Variants in SLC22A9 observed in about 807,000 individuals in gnomAD.
The protein encoded by SLC22A9 is organic anion transporter 7.
Under a neutral mutation model 50.1 loss-of-function variants are expected in SLC22A9, and 64 were observed. The ratio of observed to expected loss-of-function variants is 1.28; its 90% CI spans 1.04 to 1.57. The LOEUF (loss-of-function observed/expected upper bound fraction) is 1.57. Ranked by LOEUF, SLC22A9 falls within the 40% of genes most tolerant of loss-of-function variation. SLC22A9 has a pLI of 0.00. For missense variants in SLC22A9, 757 were observed against 676.1 expected (o/e 1.12, Z -1.33); for synonymous variants, 261 against 242.5 (o/e 1.08, Z -0.71).
At position 63,406,515 on chromosome 11, in the gene SLC22A9, C is replaced by A. The variant is rs2015040090; in HGVS notation, c.1092C>A (p.Ala364=). 4 of 1,613,528 alleles carry A rather than the reference C, an allele frequency of 2.5e-6. No homozygotes were observed. The highest frequency in any genetic ancestry group is 3.4e-6 in the Non-Finnish European group (4 of 1,179,650). Residue 364 remains alanine, a synonymous_variant, in exon 7 of 10, where the codon GCC becomes GCA. Coordinates refer to ENST00000279178, the MANE Select transcript of SLC22A9 (RefSeq NM_080866.3). ...LSFTRFANFM[A]YFGLNLHVQH... ...ATCACAGATTTGCAAACTTTATGGC[C>A]TATTTTGGCCTTAATCTCCATGTCC...
intron 7 of SLC22A9, 79 bp from the exon 8 acceptor site, chr11:63,408,033 G>A: frequency 8.5e-7 from 1 of 1,170,474 alleles, no homozygotes; most frequent in Non-Finnish European, 1.3e-6. Context: ...CTCCAATACA[G>A]TCCTTTTCAC....
intron 6 of SLC22A9, among the ~76,000 whole-genome samples, chr11:63,386,135 T>A (rs1326477069): frequency 6.6e-6 from 1 of 152,184 alleles, no homozygotes; most frequent in African/African-American, 2.4e-5. Context: ...CATCTAGGGA[T>A]GAAGCCGACT....
At chr11:63,389,768 C>T (rs2014731092) in intron 6 of SLC22A9, among the ~76,000 whole-genome samples, 2 of 152,188 alleles carry the variant, frequency 1.3e-5, no homozygotes, top group South Asian at 2.1e-4. Flanking sequence ...CTGTCTTCCA[C>T]AATGGTTGAA....
chr11:63,377,222 C>G (rs1204504219), intron 5 of SLC22A9, among the ~76,000 whole-genome samples: 1 of 152,060 alleles, frequency 6.6e-6, no homozygotes, highest in Non-Finnish European at 1.5e-5. Context: ...AAGGAACACT[C>G]CACCCAACAA....
intron 6 of SLC22A9, among the ~76,000 whole-genome samples, chr11:63,404,988 A>G (rs1451258721): frequency 6.6e-6 from 1 of 152,134 alleles, no homozygotes; most frequent in East Asian, 1.9e-4. Context: ...TTGGGAGGGC[A>G]GTGTTCTGTC....
At chr11:63,381,298 T>C (rs184755913) in intron 5 of SLC22A9, among the ~76,000 whole-genome samples, 477 of 152,278 alleles carry the variant, frequency 3.1e-3, no homozygotes, top group Non-Finnish European at 5.0e-3. Context: ...GTTAGGACCA[T>C]GAAGATAAAA....
chr11:63,371,330 A>T, intron 2 of SLC22A9, 92 bp downstream of exon 2: 1 of 1,046,548 alleles, frequency 9.6e-7, no homozygotes, highest in Non-Finnish European at 1.4e-6. Flanking sequence ...TGCAAATTAC[A>T]TTCTCCTGAG....
intron 6 of SLC22A9, among the ~76,000 whole-genome samples, chr11:63,395,624 G>T (rs1353082932): frequency 6.6e-6 from 1 of 152,184 alleles, no homozygotes; most frequent in African/African-American, 2.4e-5. Flanking sequence ...GAGGTGGCTA[G>T]TGGGTGAAAT....
intron 8 of SLC22A9, among the ~76,000 whole-genome samples, 161 bp from the exon 9 acceptor site, chr11:63,408,515 A>G (rs1182953931): frequency 1.3e-5 from 2 of 152,198 alleles, no homozygotes; most frequent in African/African-American, 2.4e-5. Flanking sequence ...TGAACTGAAA[A>G]ATTAATTGCT....
chr11:63,369,901 T>C lies in SLC22A9; in HGVS notation c.-156T>C. On this transcript the variant is annotated 5_prime_UTR_variant, in exon 1 of 10. Coordinates refer to ENST00000279178, the MANE Select transcript of SLC22A9 (RefSeq NM_080866.3). ...CGACTTGAGGAAACTGTTTCCACGG[T>C]CCTGCTGCAGAGGGGAAGCACAGTC... The C allele has an allele frequency of 1.4e-6, 1 of 703,512 alleles. No homozygotes were observed. Among genetic ancestry groups the C allele is most frequent in the Non-Finnish European group, 2.2e-6 (1 of 444,790 alleles). 43.6% of individuals were successfully genotyped at this position (703,512 alleles called of 1,614,324 possible). A position where few individuals can be genotyped will look rare whatever the true frequency, so the allele number is the denominator to read the frequency against.
chr11:63,406,413 G>A (rs2015037975), intron 6 of SLC22A9, 84 bp from the exon 7 acceptor site: 6 of 1,238,502 alleles, frequency 4.8e-6, no homozygotes, highest in Non-Finnish European at 6.9e-6. Context: ...ACAATCCCTA[G>A]CTGCCTGGGC....
At chr11:63,398,912 G>A (rs373617538) in intron 6 of SLC22A9, among the ~76,000 whole-genome samples, 22 of 152,108 alleles carry the variant, frequency 1.4e-4, no homozygotes, top group South Asian at 8.3e-4. Context: ...GCTCCTCTTC[G>A]TTGTTCTGTA....
intron 6 of SLC22A9, among the ~76,000 whole-genome samples, chr11:63,392,032 C>G (rs1039340175): frequency 2.0e-5 from 3 of 151,900 alleles, no homozygotes; most frequent in African/African-American, 7.2e-5. Flanking sequence ...ATCTTTAACC[C>G]ATAATTTTAA....
chr11:63,408,848 CTGTT>C lies in SLC22A9; in HGVS notation c.1573_1576del (p.Phe525ThrfsTer25), dbSNP rs1565191517. 2 of 1,613,962 alleles carry C rather than the reference CTGTT, an allele frequency of 1.2e-6. No individual in the cohort carries two copies. Among genetic ancestry groups the C allele is most frequent in the Admixed American group, 1.7e-5 (1 of 59,972 alleles). ...CCTTCCTGAAACCAGGAACAAGCCT[CTGTT>C]TGACACCATCCAGGATGAGAAAAAT... On this transcript the variant is annotated frameshift_variant, in exon 9 of 10. Coordinates refer to ENST00000279178, the MANE Select transcript of SLC22A9 (RefSeq NM_080866.3). LOFTEE classifies it low-confidence loss of function (END_TRUNC).
chr11:63,407,060 C>T (rs755594032), intron 7 of SLC22A9, among the ~76,000 whole-genome samples: 6 of 152,104 alleles, frequency 3.9e-5, no homozygotes, highest in Non-Finnish European at 8.8e-5. Context: ...TCATTGTTTC[C>T]CAACATGAGG....
In SLC22A9 at chr11:63,389,520, T is replaced by C. The variant is rs2014726185; in HGVS notation, c.1073+7243T>C. Among the ~76,000 whole-genome samples the C allele has an allele frequency of 5.9e-5, 9 of 152,326 alleles. No homozygotes were observed. In the South Asian group the frequency reaches 1.9e-3, roughly 32 times the overall value. ...TGCAAAGAACATGAACTCATCCATT[T>C]TTATGGCTGCATGGTATTCCATGGT... On this transcript the variant is annotated intron_variant, in intron 6 of 9. Transcript: ENST00000279178.
intron 4 of SLC22A9, 116 bp downstream of exon 4, chr11:63,374,178 A>G (rs925577947): frequency 1.0e-6 from 1 of 990,576 alleles, no homozygotes; most frequent in Non-Finnish European, 1.4e-6. Context: ...ACGTCCTCTC[A>G]TAATCTGTGC....
At chr11:63,374,102 G>T (rs1327045224) in intron 4 of SLC22A9, 40 bp downstream of exon 4, 1 of 1,552,462 alleles carries the variant, frequency 6.4e-7, no homozygotes, top group Non-Finnish European at 8.7e-7. Context: ...TGAGATATTG[G>T]AATGAGAATG....
In SLC22A9 at chr11:63,408,894, CG is replaced by C; in HGVS notation, c.1601+17del. 6.2e-7 allele frequency: 1 copy of C among 1,613,290 alleles called. No individual in the cohort carries two copies. The highest frequency in any genetic ancestry group is 8.5e-7 in the Non-Finnish European group (1 of 1,179,456). On this transcript the variant is annotated intron_variant, in intron 9 of 9. Transcript: ENST00000279178. ...GAGAAAAATGAGTGAGTAAATAGCC[CG>C]GTTGCCCCTCAGAGGATCTGTGTGC...
Sources: gnomAD v4.1 joint callset for allele counts (sites outside exome capture counted in the v4.1 genomes callset) on GRCh38, gnomAD v4.1.1 for gene constraint, MANE v1.5 for transcripts, NCBI Gene and HGNC (gene_info 2026-07-23, HGNC 2026-07-21) for gene names.